Variants in CERS4 observed in about 807,000 individuals in gnomAD.
The protein encoded by CERS4 is ceramide synthase 4, also known as LAG1 homolog, ceramide synthase 4.
CERS4 carries 65 observed loss-of-function variants against 51.8 expected under a neutral mutation model. That is an observed-to-expected ratio of 1.26 (90% CI 1.03 to 1.54). The LOEUF (loss-of-function observed/expected upper bound fraction) is 1.54, where lower values mean the gene tolerates loss of function less well. CERS4 is among the 40% of genes most tolerant of loss of function. CERS4 has a pLI of 0.00. For missense variants in CERS4, 563 were observed against 500.4 expected (o/e 1.13, Z -1.19); for synonymous variants, 228 against 208.4 (o/e 1.09, Z -0.81).
intron 4 of CERS4, 125 bp downstream of exon 4, chr19:8,254,741 T>C (rs1194320079): frequency 2.6e-6 from 2 of 762,616 alleles, no homozygotes; most frequent in Non-Finnish European, 4.3e-6. Flanking sequence ...GCAATGCCCC[T>C]ACTTTCCACT....
At chr19:8,251,896 T>A (rs1969101469) in intron 3 of CERS4, among the ~76,000 whole-genome samples, 1 of 151,826 alleles carries the variant, frequency 6.6e-6, no homozygotes, top group Non-Finnish European at 1.5e-5. Context: ...GTTTTCCAGT[T>A]TCAAACGCAG....
At chr19:8,242,108 A>G (rs1968563242) in intron 2 of CERS4, among the ~76,000 whole-genome samples, 1 of 152,124 alleles carries the variant, frequency 6.6e-6, no homozygotes, top group Non-Finnish European at 1.5e-5. Flanking sequence ...ACCACCCTTC[A>G]GGGAGGGCAC....
intron 2 of CERS4, among the ~76,000 whole-genome samples, chr19:8,227,922 C>T (rs1314663962): frequency 1.3e-5 from 2 of 151,944 alleles, no homozygotes; most frequent in African/African-American, 4.8e-5. Context: ...AATGCAGTGG[C>T]GTGATCTCGG....
At chr19:8,224,345 T>A (rs900669568) in intron 2 of CERS4, among the ~76,000 whole-genome samples, 1 of 148,280 alleles carries the variant, frequency 6.7e-6, no homozygotes, top group African/African-American at 2.5e-5. Flanking sequence ...AGGCGGAGAT[T>A]GCGGTGAGTA....
chr19:8,213,795 G>A (rs565723996), intron 2 of CERS4, among the ~76,000 whole-genome samples: 7 of 152,104 alleles, frequency 4.6e-5, no homozygotes, highest in Admixed American at 3.9e-4. Flanking sequence ...GTGAAACCCC[G>A]TCTCTACTAA....
chr19:8,215,403 A>AG (rs1264963876), intron 2 of CERS4, among the ~76,000 whole-genome samples: 2 of 150,980 alleles, frequency 1.3e-5, no homozygotes, highest in Non-Finnish European at 1.5e-5. Flanking sequence ...TGCTTGAACC[A>AG]GGGGGGCGGA....
Position 8,231,869 on chromosome 19 carries a change from T to TTTTTTTTTTTTTTTTTTTTTG in CERS4, c.-1-19203_-1-19202insTTTTTTTTTTTTTTTTGTTTT, listed in dbSNP as rs1968025009. Reference sequence around the variant, plus strand: ...GCCCAGCATTTTTTTTTTTTTTTTTTTTTTAGAGACAGTCTCCCAGGCTGG... The same window carrying TTTTTTTTTTTTTTTTTTTTTG: ...GCCCAGCATTTTTTTTTTTTTTTTTTTTTTTTTTTTTTTTTTTTTTGTTTTAGAGACAGTCTCCCAGGCTGG... On this transcript the variant is annotated intron_variant, in intron 2 of 11. Transcript: ENST00000251363. Among the ~76,000 whole-genome samples, 2 of 147,560 alleles carry TTTTTTTTTTTTTTTTTTTTTG rather than the reference T, an allele frequency of 1.4e-5. 1 individual carries two copies. Among genetic ancestry groups the TTTTTTTTTTTTTTTTTTTTTG allele is most frequent in the African/African-American group, 5.1e-5 (2 of 39,508 alleles).
intron 2 of CERS4, among the ~76,000 whole-genome samples, chr19:8,245,156 TCTC>T (rs1968725372): frequency 9.3e-6 from 1 of 107,794 alleles, no homozygotes; most frequent in Admixed American, 9.4e-5. Flanking sequence ...TTCAAGCAAT[TCTC>T]CTGCCTCAGT....
At chr19:8,248,450 C>T (rs12974053) in intron 2 of CERS4, among the ~76,000 whole-genome samples, 6,219 of 151,208 alleles carry the variant, frequency 0.041, 157 homozygotes, top group African/African-American at 0.054. Context: ...GGATGATGAG[C>T]GGATAGATGT....
chr19:8,213,402 C>T (rs947201864), intron 2 of CERS4, among the ~76,000 whole-genome samples: 1 of 152,076 alleles, frequency 6.6e-6, no homozygotes, highest in Admixed American at 6.6e-5. Context: ...GCCTCGACCT[C>T]CTGAGCTCAA....
intron 2 of CERS4, among the ~76,000 whole-genome samples, chr19:8,237,443 T>C (rs1012054313): frequency 2.6e-5 from 4 of 151,826 alleles, no homozygotes; most frequent in Non-Finnish European, 5.9e-5. Context: ...TGATCCCAGC[T>C]ACTTGGGAGG....
intron 2 of CERS4, among the ~76,000 whole-genome samples, chr19:8,235,134 G>A (rs754104625): frequency 1.4e-5 from 2 of 146,698 alleles, no homozygotes; most frequent in Admixed American, 6.9e-5. Context: ...TCAGCCTCCC[G>A]AGTAGCTGGG....
intron 3 of CERS4, among the ~76,000 whole-genome samples, chr19:8,254,004 C>G (rs1028445993): frequency 6.6e-6 from 1 of 152,000 alleles, no homozygotes; most frequent in Non-Finnish European, 1.5e-5. Context: ...GGCCTCCAAA[C>G]CCTCTGATCA....
Position 8,256,372 on chromosome 19 carries a change from G to A in CERS4, c.519+86G>A, listed in dbSNP as rs1190778416. On this transcript the variant is annotated intron_variant, in intron 7 of 11. Transcript: ENST00000251363. ...GCCATGGGCATGGGACCCGAACCCT[G>A]ACACTACACTGTCATTCCCCACTGA... The A allele has an allele frequency of 4.2e-6, 6 of 1,430,698 alleles. No individual in the cohort carries two copies. The East Asian group carries it at 1.2e-4, about 28-fold the overall frequency. The allele number at this position is 1,430,698 out of a possible 1,614,324, so 88.6% of individuals were successfully genotyped here. A position where few individuals can be genotyped will look rare whatever the true frequency, so the allele number is the denominator to read the frequency against.
chr19:8,229,207 C>T lies in CERS4; in HGVS notation c.-2+18345C>T, dbSNP rs1967908173. Among the ~76,000 whole-genome samples, 3 of 152,042 alleles carry T rather than the reference C, an allele frequency of 2.0e-5. No individual in the cohort carries two copies. In the South Asian group the frequency reaches 6.2e-4, roughly 31 times the overall value. ...AGGCAAGGTAGTGCACACCTGTAAT[C>T]CCAGCTACTTGGGGAGCTGAGCTGG... On this transcript the variant is annotated intron_variant, in intron 2 of 11. Transcript: ENST00000251363.
At chr19:8,254,322 CAAAAAAAAAA>C (rs74176633) in intron 3 of CERS4, among the ~76,000 whole-genome samples, 167 bp from the exon 4 acceptor site, 8 of 38,772 alleles carry the variant, frequency 2.1e-4, no homozygotes, top group African/African-American at 5.5e-4. Context: ...TACTCTGTCT[CAAAAAAAAAA>C]AAAAAAAAAA....
At chr19:8,258,373 T>G (rs778870338) in intron 10 of CERS4, among the ~76,000 whole-genome samples, 14 of 152,158 alleles carry the variant, frequency 9.2e-5, no homozygotes, top group Non-Finnish European at 1.8e-4. Flanking sequence ...GGCAGCCACG[T>G]GAACTGCACA....
intron 3 of CERS4, 35 bp downstream of exon 3, chr19:8,251,284 G>T (rs772700862): frequency 1.3e-6 from 2 of 1,542,534 alleles, no homozygotes. Context: ...CATTGCCCCC[G>T]CAGTCGCTCC....
At chr19:8,256,418 T>G in intron 7 of CERS4, 132 bp downstream of exon 7, 1 of 1,118,268 alleles carries the variant, frequency 8.9e-7, no homozygotes, top group African/African-American at 1.8e-5. Context: ...CTTTGATTCC[T>G]CTGGGGAATA....
Sources: gnomAD v4.1 joint callset for allele counts (sites outside exome capture counted in the v4.1 genomes callset) on GRCh38, gnomAD v4.1.1 for gene constraint, MANE v1.5 for transcripts, NCBI Gene and HGNC (gene_info 2026-07-23, HGNC 2026-07-21) for gene names.